The following ENO4 variants were observed in gnomAD, a reference collection of about 807,000 sequenced individuals.
ENO4 encodes the protein 2-phospho-D-glycerate hydro-lyase.
In ENO4, 53 loss-of-function variants were observed where a neutral mutation model predicts 63.2. The ratio of observed to expected loss-of-function variants is 0.84; its 90% CI spans 0.67 to 1.05. ENO4 has a LOEUF of 1.05. Among genes scored for constraint, ENO4 ranks in the 50% least tolerant of loss-of-function variants. The pLI is 0.00. For synonymous variants in ENO4, 266 were observed against 283.8 expected (o/e 0.94, Z 0.63); for missense variants, 719 against 772.0 (o/e 0.93, Z 0.81).
chr10:116,889,013 C>A (rs1331697167), intron 10 of ENO4, among the ~76,000 whole-genome samples: 1 of 152,236 alleles, frequency 6.6e-6, no homozygotes, highest in Non-Finnish European at 1.5e-5. Context: ...CTTATGTAAG[C>A]CAGTCAAACT....
At chr10:116,899,537 G>C (rs1847649746) in intron 10 of ENO4, among the ~76,000 whole-genome samples, 1 of 88,528 alleles carries the variant, frequency 1.1e-5, no homozygotes, top group South Asian at 4.0e-4. Context: ...GTGTGTGTGT[G>C]TGTGTGTGTG....
chr10:116,894,403 C>T (rs182111326), intron 10 of ENO4, among the ~76,000 whole-genome samples: 2 of 152,076 alleles, frequency 1.3e-5, no homozygotes, highest in South Asian at 2.1e-4. Context: ...CTCCCCCAAA[C>T]GAAAAAGCAA....
chr10:116,872,205 A>G (rs1336317708), intron 9 of ENO4, among the ~76,000 whole-genome samples: 2 of 152,216 alleles, frequency 1.3e-5, no homozygotes, highest in Non-Finnish European at 2.9e-5. Context: ...CTCAAAACAA[A>G]AAACAAGCAA....
intron 1 of ENO4, chr10:116,850,165 CT>C: frequency 3.9e-6 from 1 of 253,506 alleles, no homozygotes; most frequent in South Asian, 4.0e-5. Flanking sequence ...TTGGCGTTTG[CT>C]ACAACTTGGC....
intron 7 of ENO4, among the ~76,000 whole-genome samples, chr10:116,867,220 T>G (rs1300362049): frequency 1.3e-5 from 2 of 152,196 alleles, no homozygotes; most frequent in African/African-American, 4.8e-5. Flanking sequence ...CAGATTTATT[T>G]TGGCATAACT....
intron 10 of ENO4, among the ~76,000 whole-genome samples, chr10:116,888,759 C>G (rs368305500): frequency 1.3e-5 from 2 of 152,246 alleles, no homozygotes; most frequent in African/African-American, 4.8e-5. Flanking sequence ...CAAGCTATAA[C>G]AGAGCCTGCC....
chr10:116,856,356 C>CA, intron 2 of ENO4, 136 bp from the exon 3 acceptor site: 1 of 711,960 alleles, frequency 1.4e-6, no homozygotes, highest in Non-Finnish European at 2.3e-6. Context: ...AAAAATATCT[C>CA]AAAGAAAATT....
chr10:116,866,460 T>C (rs1846549651), intron 7 of ENO4, among the ~76,000 whole-genome samples: 1 of 152,206 alleles, frequency 6.6e-6, no homozygotes, highest in African/African-American at 2.4e-5. Flanking sequence ...GTTCTGCACT[T>C]AGGAGCTGCC....
downstream of ENO4, among the ~76,000 whole-genome samples, chr10:116,912,108 CTTGA>C (rs1848222822): frequency 6.6e-6 from 1 of 152,196 alleles, no homozygotes; most frequent in Non-Finnish European, 1.5e-5. Context: ...ATTGTTACCT[CTTGA>C]TTATTATCAT....
chr10:116,870,492 A>C lies in ENO4; in HGVS notation c.1048-633A>C, dbSNP rs1191787473. The stretch of plus-strand genomic sequence containing the variant: ...CCTGTCTCTACAAAAAATAAAAAAA[A>C]TAGCCAGGTGTGGTGGCACATGCCT... On this transcript the variant is annotated intron_variant, in intron 8 of 13. Transcript: ENST00000341276. Among the ~76,000 whole-genome samples the C allele has an allele frequency of 2.0e-5, 3 of 152,116 alleles. No homozygotes were observed. The South Asian group carries it at 6.2e-4, about 32-fold the overall frequency.
intron 10 of ENO4, among the ~76,000 whole-genome samples, 153 bp from the exon 11 acceptor site, chr10:116,875,912 G>A (rs1470153338): frequency 6.6e-6 from 1 of 152,196 alleles, no homozygotes; most frequent in Admixed American, 6.5e-5. Context: ...TTGTGTGGCT[G>A]TGGTACAGGG....
chr10:116,859,227 G>T, intron 4 of ENO4, 89 bp downstream of exon 4: 1 of 1,391,470 alleles, frequency 7.2e-7, no homozygotes, highest in South Asian at 1.7e-5. Flanking sequence ...TGAGTCTCTT[G>T]GCTACAGGCC....
At position 116,849,723 on chromosome 10, in the gene ENO4, G is replaced by C; in HGVS notation, c.157G>C (p.Gly53Arg). 2 of 1,523,076 alleles carry C rather than the reference G, an allele frequency of 1.3e-6. No homozygotes were observed. Among genetic ancestry groups the C allele is most frequent in the Non-Finnish European group, 8.8e-7 (1 of 1,132,862 alleles). The allele number at this position is 1,523,076 out of a possible 1,614,324, so 94.3% of individuals were successfully genotyped here. Residue 53 changes from glycine (G) to arginine (R), a missense_variant, in exon 1 of 14, where the codon GGG becomes CGG. By Grantham distance (125) the Gly-to-Arg change is moderately radical (BLOSUM62 -2). Around this residue, in one of 3 missense-constraint regions of ENO4, gnomAD observed 544 missense variants for 583.6 expected, o/e 0.93. Coordinates refer to ENST00000341276, the MANE Select transcript of ENO4 (RefSeq NM_001242699.2). Reference sequence around the variant, plus strand: ...CTACCTCCAGCCTGCCGACGTCTACGGGCACCTGGTAGGGACCTGGGACAA... The same window carrying C: ...CTACCTCCAGCCTGCCGACGTCTACCGGCACCTGGTAGGGACCTGGGACAA... ...TFYLQPADVY[G>R]HLANCFSKLA...
intron 4 of ENO4, 92 bp from the exon 5 acceptor site, chr10:116,860,702 C>T: frequency 1.0e-6 from 1 of 996,962 alleles, no homozygotes; most frequent in South Asian, 4.3e-5. Context: ...TGTTCCCAGC[C>T]TCGGCTTTCA....
At chr10:116,855,226 G>A (rs1846228845) in intron 1 of ENO4, among the ~76,000 whole-genome samples, 1 of 152,142 alleles carries the variant, frequency 6.6e-6, no homozygotes, top group Non-Finnish European at 1.5e-5. Context: ...CTGGGAGGCG[G>A]AGAATGCAGT....
intron 10 of ENO4, among the ~76,000 whole-genome samples, chr10:116,891,954 A>G (rs1196198046): frequency 6.6e-6 from 1 of 152,210 alleles, no homozygotes; most frequent in Non-Finnish European, 1.5e-5. Flanking sequence ...CTATTTGTGG[A>G]AAAAGTAGAT....
chr10:116,858,101 G>A (rs936672008), intron 3 of ENO4, among the ~76,000 whole-genome samples: 4 of 150,230 alleles, frequency 2.7e-5, no homozygotes, highest in Middle Eastern at 3.4e-3. Context: ...TTTTTTTCCT[G>A]GCATTTTCCC....
At chr10:116,903,606 C>A (rs531359389) in intron 10 of ENO4, among the ~76,000 whole-genome samples, 1 of 152,030 alleles carries the variant, frequency 6.6e-6, no homozygotes, top group Admixed American at 6.6e-5. Context: ...GACAGAAGGG[C>A]AGAACAGAAA....
chr10:116,858,466 T>A (rs538844851), intron 3 of ENO4, among the ~76,000 whole-genome samples: 123 of 92,988 alleles, frequency 1.3e-3, no homozygotes, highest in African/African-American at 4.0e-3. Flanking sequence ...TTTGCCTGGT[T>A]TTTTGCCTAT....
Sources: allele counts gnomAD v4.1 joint callset (sites outside exome capture counted in the v4.1 genomes callset), GRCh38; gene constraint gnomAD v4.1.1; regional missense constraint gnomAD v4.1.1; transcripts MANE v1.5; gene names NCBI Gene and HGNC (gene_info 2026-07-23, HGNC 2026-07-21).